GALNTL5: variants seen among roughly 807,000 people sequenced by gnomAD.
GALNTL5 encodes inactive polypeptide N-acetylgalactosaminyltransferase-like protein 5.
In GALNTL5, 44 loss-of-function variants were observed where a neutral mutation model predicts 51.0. The ratio of observed to expected loss-of-function variants is 0.86; its 90% confidence interval spans 0.68 to 1.11. The LOEUF (loss-of-function observed/expected upper bound fraction) is 1.11, where lower values mean the gene tolerates loss of function less well. GALNTL5 is among the 50% of genes least tolerant of loss of function. The pLI, the probability that GALNTL5 is intolerant of heterozygous loss-of-function variation, is 0.00. For synonymous variants in GALNTL5, 192 were observed against 182.8 expected, an observed-to-expected ratio of 1.05 and a Z score of -0.41; for missense variants, 528 against 531.8, an observed-to-expected ratio of 0.99 and a Z score of 0.07.
chr7:151,997,656 G>T (rs1398601849), intron 5 of GALNTL5, among the ~76,000 whole-genome samples: 1 of 151,938 alleles, frequency 6.6e-6, no homozygotes, highest in Non-Finnish European at 1.5e-5. Context: ...TGCATTTATG[G>T]TCTTTCTGGG....
chr7:151,978,140 T>G (rs2151944047), intron 3 of GALNTL5, among the ~76,000 whole-genome samples: 1 of 152,338 alleles, frequency 6.6e-6, no homozygotes, highest in East Asian at 1.9e-4. Context: ...GGTATAATAA[T>G]ACATTTATAA....
At chr7:151,972,712 C>T (rs1454507039) in intron 3 of GALNTL5, among the ~76,000 whole-genome samples, 1 of 152,178 alleles carries the variant, frequency 6.6e-6, no homozygotes, top group Non-Finnish European at 1.5e-5. Flanking sequence ...TGGTGGCTTC[C>T]ATGTGGTATT....
intron 2 of GALNTL5, among the ~76,000 whole-genome samples, chr7:151,970,212 G>A (rs1586810123): frequency 2.7e-5 from 4 of 145,796 alleles, no homozygotes; most frequent in Non-Finnish European, 1.5e-5. Context: ...AGGGGCGGGG[G>A]GTGGGGGTGG....
At chr7:151,987,499 G>T (rs1294038940) in intron 5 of GALNTL5, among the ~76,000 whole-genome samples, 1 of 151,974 alleles carries the variant, frequency 6.6e-6, no homozygotes, top group Non-Finnish European at 1.5e-5. Flanking sequence ...ATATTCTTTC[G>T]CAGGGACGTT....
At chr7:151,965,936 T>A (rs952162420) in intron 1 of GALNTL5, among the ~76,000 whole-genome samples, 3 of 152,112 alleles carry the variant, frequency 2.0e-5, no homozygotes, top group Non-Finnish European at 2.9e-5. Context: ...CCCCCAACCA[T>A]GGAGGTAATC....
At chr7:151,979,414 T>C (rs1258438942) in intron 3 of GALNTL5, among the ~76,000 whole-genome samples, 1 of 149,212 alleles carries the variant, frequency 6.7e-6, no homozygotes, top group Non-Finnish European at 1.5e-5. Context: ...ACGGCCGGCC[T>C]CCTTTTACTC....
intron 5 of GALNTL5, among the ~76,000 whole-genome samples, chr7:151,999,175 G>T (rs1346575384): frequency 6.6e-6 from 1 of 152,132 alleles, no homozygotes; most frequent in Non-Finnish European, 1.5e-5. Flanking sequence ...TATTTTTGAG[G>T]TTCATCCACA....
chr7:152,015,575 G>C (rs1212558085), intron 8 of GALNTL5, among the ~76,000 whole-genome samples: 4 of 151,938 alleles, frequency 2.6e-5, no homozygotes, highest in African/African-American at 9.7e-5. Context: ...GGCCAGGCTG[G>C]TCTCAATCTC....
chr7:151,971,106 G>GATAA (rs1332714178), intron 3 of GALNTL5, 41 bp downstream of exon 3: 2 of 1,150,740 alleles, frequency 1.7e-6, no homozygotes, highest in Non-Finnish European at 2.5e-6. Context: ...TAGATAGATA[G>GATAA]ATAGATAGAT....
chr7:152,007,206 A>C (rs1329978086), intron 6 of GALNTL5, among the ~76,000 whole-genome samples: 7 of 152,154 alleles, frequency 4.6e-5, no homozygotes, highest in Admixed American at 4.6e-4. Context: ...GAGAGCTCTG[A>C]GCCCTGCTAC....
chr7:151,966,294 T>C (rs2151938524), intron 1 of GALNTL5, among the ~76,000 whole-genome samples: 1 of 150,516 alleles, frequency 6.6e-6, no homozygotes, highest in South Asian at 2.1e-4. Context: ...TGAGACGGAG[T>C]TTCATTCTTG....
intron 6 of GALNTL5, among the ~76,000 whole-genome samples, chr7:152,003,412 G>A (rs1340090784): frequency 6.6e-6 from 1 of 152,168 alleles, no homozygotes; most frequent in Non-Finnish European, 1.5e-5. Flanking sequence ...GGCATGTCTG[G>A]AATTGTACAT....
intron 1 of GALNTL5, among the ~76,000 whole-genome samples, chr7:151,964,834 GGTCTTTTCTCCAGGCCCT>G (rs1312499203): frequency 6.6e-6 from 1 of 152,114 alleles, no homozygotes; most frequent in East Asian, 1.9e-4. Flanking sequence ...AGCATGTGGA[GGTCTTTTCTCCAGGCCCT>G]GTCTTCTCAT....
rs2080966804 is a variant in GALNTL5, at chr7:151,959,530, G to A, written c.-40+2921G>A. Among the ~76,000 whole-genome samples, 5 of 152,168 alleles carry A rather than the reference G, an allele frequency of 3.3e-5. No homozygotes were observed. In the South Asian group the frequency reaches 1.0e-3, roughly 32 times the overall value. On this transcript the variant is annotated intron_variant, in intron 1 of 8. Coordinates refer to ENST00000392800, the MANE Select transcript of GALNTL5 (RefSeq NM_145292.4). ...TTGCACCCAGGATCTTGGCCAGAGTGTTAAAGCCTGTGTCCTGGGGGATAT... is the reference window on the plus strand; with the variant it reads ...TTGCACCCAGGATCTTGGCCAGAGTATTAAAGCCTGTGTCCTGGGGGATAT...
intron 8 of GALNTL5, among the ~76,000 whole-genome samples, chr7:152,017,063 GAAAGAA>G (rs983121046): frequency 8.6e-5 from 13 of 150,502 alleles, no homozygotes; most frequent in African/African-American, 3.2e-4. Flanking sequence ...GAAAAGAAAA[GAAAGAA>G]AACCAACTAT....
At chr7:151,979,178 C>T (rs1037850123) in intron 3 of GALNTL5, among the ~76,000 whole-genome samples, 9 of 140,808 alleles carry the variant, frequency 6.4e-5, no homozygotes, top group Non-Finnish European at 1.2e-4. Flanking sequence ...GGTGCCATCT[C>T]GGCTCACTGC....
chr7:152,013,363 A>G (rs183777016), intron 7 of GALNTL5, among the ~76,000 whole-genome samples: 3 of 152,322 alleles, frequency 2.0e-5, no homozygotes, highest in Admixed American at 1.3e-4. Flanking sequence ...AAGAAAAAAA[A>G]AAACAAAAAC....
chr7:151,968,195 G>A (rs2081084088), intron 2 of GALNTL5, among the ~76,000 whole-genome samples: 1 of 152,096 alleles, frequency 6.6e-6, no homozygotes, highest in Admixed American at 6.5e-5. Flanking sequence ...GCTACTTGGA[G>A]AGCTGAGGTG....
intron 5 of GALNTL5, among the ~76,000 whole-genome samples, chr7:151,993,906 GC>G (rs1336648334): frequency 6.6e-6 from 1 of 152,130 alleles, no homozygotes; most frequent in Non-Finnish European, 1.5e-5. Flanking sequence ...ACAGGCATGA[GC>G]CACCACACAT....
Sources: allele counts gnomAD v4.1 joint callset (sites outside exome capture counted in the v4.1 genomes callset), GRCh38; gene constraint gnomAD v4.1.1; transcripts MANE v1.5; gene names NCBI Gene and HGNC (gene_info 2026-07-23, HGNC 2026-07-21).